The following IGSF10 variants were observed in gnomAD, a reference collection of about 807,000 sequenced individuals.
IGSF10 encodes immunoglobulin superfamily member 10, also known as calvaria mechanical force protein 608.
In IGSF10, 126 loss-of-function variants were observed where a neutral mutation model predicts 128.2. The ratio of observed to expected loss-of-function variants is 0.98; its 90% CI spans 0.85 to 1.14. The LOEUF is 1.14. IGSF10 is among the 50% of genes most tolerant of loss of function. The probability of loss-of-function intolerance (pLI) is 0.00; values close to 1 mark genes in which losing one functional copy is unlikely to be tolerated. For synonymous variants in IGSF10, 1,185 were observed against 1,146.2 expected (o/e 1.03, Z -0.68); for missense variants, 3,295 against 3,149.8 (o/e 1.05, Z -1.10).
At chr3:151,520,224 C>A in the IGSF10 span, among the ~76,000 whole-genome samples, 10 of 151,830 alleles carry the variant, frequency 6.6e-5, no homozygotes, top group Middle Eastern at 3.4e-3. Flanking sequence ...GTTTTGTCTT[C>A]ATAATGGTGA....
At chr3:151,515,309 T>A in the IGSF10 span, among the ~76,000 whole-genome samples, 1 of 151,734 alleles carries the variant, frequency 6.6e-6, no homozygotes, top group Non-Finnish European at 1.5e-5. Flanking sequence ...TGAGTTCATG[T>A]CCTTTGTATG....
In IGSF10 at chr3:151,445,278, G is replaced by A; in HGVS notation, c.4703C>T (p.Ser1568Phe). 6.2e-7 allele frequency: 1 copy of A among 1,614,206 alleles called. No homozygotes were observed. The highest frequency in any genetic ancestry group is 1.3e-5 in the African/African-American group (1 of 75,050). Residue 1568 changes from serine to phenylalanine, a missense_variant, in exon 6 of 8, where the codon TCT becomes TTT. Ser to Phe is a radical substitution (Grantham distance 155). Coordinates refer to ENST00000282466, the MANE Select transcript of IGSF10 (RefSeq NM_178822.5). ...VKSQNSKLTP[S>F]PWAENQFWHK... is the part of the protein sequence containing the mutation. ...CCAAAATTGGTTTTCTGCCCAGGGA[G>A]ATGGAGTTAATTTAGAATTCTGTGA...
the IGSF10 span, among the ~76,000 whole-genome samples, chr3:151,494,070 G>A: frequency 4.0e-3 from 614 of 152,114 alleles, no homozygotes; most frequent in Middle Eastern, 0.014. Context: ...CATTCCGGAA[G>A]AGAAAATAAG....
rs755004849 is a variant in IGSF10 at position 151,447,084 on chromosome 3, T to A, written c.2897A>T (p.His966Leu). The A allele has an allele frequency of 1.2e-6, 2 of 1,614,216 alleles. No homozygotes were observed. Among genetic ancestry groups the A allele is most frequent in the Non-Finnish European group, 1.7e-6 (2 of 1,180,012 alleles). Reference protein sequence around the residue: ...TSVREVSEPRHNHFYSHTTQI... With the variant: ...TSVREVSEPRLNHFYSHTTQI... ...AGTAGTGTGAGAATAGAAGTGATTG[T>A]GCCTGGGTTCACTCACTTCTCTTAC... The change falls in exon 6 of 8, where the codon CAC becomes CTC. Residue 966 changes from histidine to leucine, a missense_variant. Coordinates refer to ENST00000282466, the MANE Select transcript of IGSF10 (RefSeq NM_178822.5).
At chr3:151,450,099 C>G (rs933600537) in intron 5 of IGSF10, among the ~76,000 whole-genome samples, 1 of 152,204 alleles carries the variant, frequency 6.6e-6, no homozygotes, top group Non-Finnish European at 1.5e-5. Flanking sequence ...GGTTGCAAGT[C>G]TTACAGCACT....
chr3:151,525,002 CTTTTTTTTT>C, the IGSF10 span, among the ~76,000 whole-genome samples: 4 of 49,738 alleles, frequency 8.0e-5, no homozygotes, highest in African/African-American at 1.6e-4. Flanking sequence ...TGCATTACAC[CTTTTTTTTT>C]TTTTTTTTTT....
the IGSF10 span, among the ~76,000 whole-genome samples, chr3:151,590,694 G>A: frequency 6.6e-6 from 1 of 152,136 alleles, no homozygotes. Context: ...CTTAAAGAAT[G>A]GGTAAGATTT....
At chr3:151,580,992 G>C in the IGSF10 span, among the ~76,000 whole-genome samples, 4 of 151,694 alleles carry the variant, frequency 2.6e-5, no homozygotes, top group Non-Finnish European at 2.9e-5. Context: ...GAGAAGAAAA[G>C]AGCGGGGGAG....
the IGSF10 span, among the ~76,000 whole-genome samples, chr3:151,578,558 A>T: frequency 2.0e-5 from 3 of 152,250 alleles, no homozygotes; most frequent in African/African-American, 7.2e-5. Context: ...TTGATTGCTC[A>T]TGAGAATGAC....
At chr3:151,502,383 TAAAGA>T in the IGSF10 span, among the ~76,000 whole-genome samples, 1 of 151,912 alleles carries the variant, frequency 6.6e-6, no homozygotes, top group Non-Finnish European at 1.5e-5. Context: ...GGAAGATGGG[TAAAGA>T]AAAGAGCCTA....
downstream of IGSF10, chr3:151,432,892 CCTTT>C (rs1719692731): frequency 3.1e-6 from 3 of 963,786 alleles, no homozygotes; most frequent in African/African-American, 3.3e-5. Flanking sequence ...TAAAAATGTC[CCTTT>C]TTTTCATTTC....
At chr3:151,562,201 C>T in the IGSF10 span, among the ~76,000 whole-genome samples, 2 of 152,226 alleles carry the variant, frequency 1.3e-5, no homozygotes, top group African/African-American at 2.4e-5. Context: ...TGAGAGTGAC[C>T]TCTGGTCTTC....
chr3:151,581,823 T>C, the IGSF10 span, among the ~76,000 whole-genome samples: 2 of 152,158 alleles, frequency 1.3e-5, no homozygotes, highest in Admixed American at 6.5e-5. Context: ...GTATTCCTAG[T>C]ACTTTGGGAG....
At chr3:151,576,025 G>GA in the IGSF10 span, among the ~76,000 whole-genome samples, 3 of 151,966 alleles carry the variant, frequency 2.0e-5, no homozygotes, top group African/African-American at 7.2e-5. Flanking sequence ...ATGTTATTTT[G>GA]AACTTTGACA....
chr3:151,460,832 T>C (rs988090536), intron 1 of IGSF10, 114 bp downstream of exon 1: 1 of 300,398 alleles, frequency 3.3e-6, no homozygotes, highest in Non-Finnish European at 4.7e-6. Flanking sequence ...CCCTCAGCCC[T>C]CCCCGCCCCA....
the IGSF10 span, among the ~76,000 whole-genome samples, chr3:151,529,025 GT>G: frequency 6.6e-6 from 1 of 151,998 alleles, no homozygotes; most frequent in Non-Finnish European, 1.5e-5. Context: ...GGGGAGGGGA[GT>G]CCACCAATGC....
chr3:151,502,048 C>A, the IGSF10 span, among the ~76,000 whole-genome samples: 7 of 152,136 alleles, frequency 4.6e-5, no homozygotes, highest in African/African-American at 1.7e-4. Context: ...TCTTCCTACC[C>A]ACCCCCATAT....
At chr3:151,570,123 C>T in the IGSF10 span, among the ~76,000 whole-genome samples, 2 of 152,270 alleles carry the variant, frequency 1.3e-5, no homozygotes, top group Admixed American at 6.5e-5. Flanking sequence ...TTTTCTTAAT[C>T]CAGTCTATCA....
the IGSF10 span, among the ~76,000 whole-genome samples, chr3:151,563,309 C>T: frequency 6.6e-6 from 1 of 152,072 alleles, no homozygotes; most frequent in Non-Finnish European, 1.5e-5. Flanking sequence ...CCCAGGGCAT[C>T]CTGCCTACAC....
Sources: gnomAD v4.1 joint callset for allele counts (sites outside exome capture counted in the v4.1 genomes callset) on GRCh38, gnomAD v4.1.1 for gene constraint, MANE v1.5 for transcripts, NCBI Gene and HGNC (gene_info 2026-07-23, HGNC 2026-07-21) for gene names.